The following TMEM200A variants were observed in gnomAD, a reference collection of about 807,000 sequenced individuals.
TMEM200A encodes the protein transmembrane protein 200A.
TMEM200A carries 12 observed loss-of-function variants against 24.3 expected under a neutral mutation model. The observed-to-expected ratio is 0.49, with a 90% CI of 0.32 to 0.80. The LOEUF (loss-of-function observed/expected upper bound fraction) is 0.80. Among genes scored for constraint, TMEM200A ranks in the 30% least tolerant of loss-of-function variants. TMEM200A has a pLI of 0.04. For synonymous variants in TMEM200A, 224 were observed against 224.4 expected (o/e 1.00, Z 0.02); for missense variants, 545 against 614.4 (o/e 0.89, Z 1.19).
At chr6:130,396,612 A>G (rs1015373220) in intron 2 of TMEM200A, among the ~76,000 whole-genome samples, 2 of 152,088 alleles carry the variant, frequency 1.3e-5, no homozygotes, top group Non-Finnish European at 1.5e-5. Flanking sequence ...CATATACATT[A>G]TATATACACA....
At chr6:130,432,112 T>TAAGA (rs1779891199) in intron 2 of TMEM200A, among the ~76,000 whole-genome samples, 1 of 152,168 alleles carries the variant, frequency 6.6e-6, no homozygotes, top group Non-Finnish European at 1.5e-5. Context: ...GATTTTCACA[T>TAAGA]TATATCACTC....
chr6:130,375,388 G>C (rs1778430188), intron 1 of TMEM200A, among the ~76,000 whole-genome samples: 1 of 152,106 alleles, frequency 6.6e-6, no homozygotes, highest in Non-Finnish European at 1.5e-5. Context: ...AAGTAAACTT[G>C]GCTCAGGAGA....
At chr6:130,427,668 T>A (rs1203200181) in intron 2 of TMEM200A, among the ~76,000 whole-genome samples, 1 of 152,112 alleles carries the variant, frequency 6.6e-6, no homozygotes, top group African/African-American at 2.4e-5. Flanking sequence ...ATTGACAGCT[T>A]ATTAGACCTT....
At chr6:130,398,992 C>A (rs990852849) in intron 2 of TMEM200A, among the ~76,000 whole-genome samples, 3 of 151,828 alleles carry the variant, frequency 2.0e-5, no homozygotes, top group African/African-American at 7.3e-5. Flanking sequence ...TGAGTGTAAA[C>A]ACAATCTTAG....
chr6:130,414,455 G>GCAATA (rs1779403746), intron 2 of TMEM200A, among the ~76,000 whole-genome samples: 1 of 146,680 alleles, frequency 6.8e-6, no homozygotes, highest in Non-Finnish European at 1.5e-5. Flanking sequence ...AAAAAAAGCT[G>GCAATA]CAATATCTAG....
chr6:130,438,850 G>A (rs185093616), intron 2 of TMEM200A: 11 of 152,358 alleles, frequency 7.2e-5, no homozygotes, highest in Admixed American at 5.9e-4. Context: ...TGCTTGCATA[G>A]GGTGCAGTGG....
At chr6:130,380,249 G>A (rs1346280863) in intron 1 of TMEM200A, among the ~76,000 whole-genome samples, 2 of 152,172 alleles carry the variant, frequency 1.3e-5, no homozygotes, top group African/African-American at 2.4e-5. Flanking sequence ...GCATCTGAAG[G>A]TTAATTTCAT....
At chr6:130,379,270 C>T (rs961742660) in intron 1 of TMEM200A, among the ~76,000 whole-genome samples, 1 of 151,656 alleles carries the variant, frequency 6.6e-6, no homozygotes. Flanking sequence ...GAAAAAATTA[C>T]AATTTAGAAA....
Position 130,368,576 on chromosome 6 carries a change from G to A in TMEM200A, c.-81+2052G>A, listed in dbSNP as rs75734922. ...CAGATCCACTTGTTCCTGGACTTACGCTATGTTTTGTCTGCTGAGATCTGA... is the reference window on the plus strand; with the variant it reads ...CAGATCCACTTGTTCCTGGACTTACACTATGTTTTGTCTGCTGAGATCTGA... On this transcript the variant is annotated intron_variant, in intron 1 of 2. Transcript: ENST00000296978. Among the ~76,000 whole-genome samples, 456 of 152,222 alleles carry A rather than the reference G, an allele frequency of 3.0e-3. 1 individual carries two copies. Among genetic ancestry groups the A allele is most frequent in the African/African-American group, 0.01 (419 of 41,542 alleles).
At chr6:130,411,122 T>C (rs1427874921) in intron 2 of TMEM200A, among the ~76,000 whole-genome samples, 1 of 152,004 alleles carries the variant, frequency 6.6e-6, no homozygotes, top group Non-Finnish European at 1.5e-5. Context: ...TGAGCCGAGA[T>C]TGTGCCATTG....
intron 2 of TMEM200A, among the ~76,000 whole-genome samples, chr6:130,417,226 G>A (rs1000257068): frequency 6.6e-6 from 1 of 152,130 alleles, no homozygotes; most frequent in East Asian, 1.9e-4. Flanking sequence ...TTAAATATTT[G>A]TTAGATGAAT....
At chr6:130,419,887 C>T (rs1779542687) in intron 2 of TMEM200A, among the ~76,000 whole-genome samples, 1 of 152,184 alleles carries the variant, frequency 6.6e-6, no homozygotes, top group African/African-American at 2.4e-5. Context: ...TCAAGGCCAG[C>T]AGTTTCAGTG....
chr6:130,384,708 A>C (rs1367886782), intron 1 of TMEM200A, among the ~76,000 whole-genome samples: 1 of 152,246 alleles, frequency 6.6e-6, no homozygotes, highest in Admixed American at 6.5e-5. Context: ...AAGGAATAGC[A>C]TGTTTCTGAT....
intron 2 of TMEM200A, among the ~76,000 whole-genome samples, chr6:130,417,328 C>G (rs1484584762): frequency 6.6e-6 from 1 of 152,024 alleles, no homozygotes; most frequent in East Asian, 1.9e-4. Flanking sequence ...TTCTGACAAT[C>G]TGAGTTTGAA....
intron 2 of TMEM200A, among the ~76,000 whole-genome samples, chr6:130,396,338 A>G: frequency 6.7e-6 from 1 of 149,162 alleles, no homozygotes. Flanking sequence ...AATGACTCAG[A>G]ACTTATTTTG....
intron 2 of TMEM200A, among the ~76,000 whole-genome samples, chr6:130,390,048 A>G (rs565673943): frequency 4.9e-4 from 74 of 152,306 alleles, no homozygotes; most frequent in African/African-American, 1.8e-3. Context: ...GGTTTCTTAG[A>G]TGTTCTGTTT....
intron 1 of TMEM200A, 33 bp from the exon 2 acceptor site, chr6:130,385,140 G>T (rs1388858066): frequency 6.6e-6 from 1 of 152,090 alleles, no homozygotes; most frequent in Non-Finnish European, 1.5e-5. Flanking sequence ...GTCAGTTATG[G>T]AGCTCACATA....
intron 2 of TMEM200A, among the ~76,000 whole-genome samples, chr6:130,403,230 G>A (rs563029721): frequency 1.3e-5 from 2 of 152,152 alleles, no homozygotes; most frequent in African/African-American, 4.8e-5. Context: ...GATAAATGTA[G>A]CAAGATATTC....
chr6:130,398,823 AT>A (rs1206454664), intron 2 of TMEM200A, among the ~76,000 whole-genome samples: 1 of 151,856 alleles, frequency 6.6e-6, no homozygotes, highest in Non-Finnish European at 1.5e-5. Context: ...ATATTATAAT[AT>A]TTTTATAGTA....
Sources: gnomAD v4.1 joint callset for allele counts (sites outside exome capture counted in the v4.1 genomes callset) on GRCh38, gnomAD v4.1.1 for gene constraint, MANE v1.5 for transcripts, NCBI Gene and HGNC (gene_info 2026-07-23, HGNC 2026-07-21) for gene names.